The following ARHGEF4 variants were observed in gnomAD, a reference collection of about 807,000 sequenced individuals.
ARHGEF4 encodes the protein APC-stimulated guanine nucleotide exchange factor 1.
A neutral mutation model predicts 162.0 loss-of-function variants in ARHGEF4; 119 were observed. That is an observed-to-expected ratio of 0.73 (90% CI 0.63 to 0.86). The LOEUF (loss-of-function observed/expected upper bound fraction) is 0.86, where lower values mean the gene tolerates loss of function less well. Among genes scored for constraint, ARHGEF4 ranks in the 40% least tolerant of loss-of-function variants. The pLI, the probability that ARHGEF4 is intolerant of heterozygous loss-of-function variation, is 0.00. For missense variants in ARHGEF4, 2,488 were observed against 2,456.0 expected, an observed-to-expected ratio of 1.01 and a Z score of -0.28; for synonymous variants, 1,014 against 979.9, an observed-to-expected ratio of 1.03 and a Z score of -0.65.
Position 130,916,787 on chromosome 2 carries a change from G to A in ARHGEF4, c.2841G>A (p.Leu947=). The A allele has an allele frequency of 6.4e-7, 1 of 1,550,552 alleles. No individual in the cohort carries two copies. The part of the protein sequence containing the change: ...SPKGEKEKSR[L]RQGSWRAFLK... ...AGGGCGAGAAGGAGAAGAGCAGGCT[G>A]CGCCAGGGTTCCTGGCGGGCGTTTC... Residue 947 remains leucine, a synonymous_variant, in exon 2 of 14, where the codon CTG becomes CTA. Transcript: ENST00000409359.
intron 13 of ARHGEF4, 29 bp from the exon 14 acceptor site, chr2:131,046,009 A>G (rs367838917): frequency 1.9e-6 from 3 of 1,595,562 alleles, no homozygotes; most frequent in Non-Finnish European, 2.6e-6. Context: ...CTGGGCACCC[A>G]TGACCCTCTG....
At position 130,836,924 on chromosome 2, in the gene ARHGEF4, G is replaced by A; in HGVS notation, c.-30G>A. On this transcript the variant is annotated 5_prime_UTR_variant, in exon 1 of 14. Transcript: ENST00000409359. ...TCGGCGGCGCGGCTCGTAGTGCTGC[G>A]GCCGGGCTCCGGGCGTCCCGGCGGC... 2 of 1,222,436 alleles carry A rather than the reference G, an allele frequency of 1.6e-6. No individual in the cohort carries two copies. The highest frequency in any genetic ancestry group is 2.0e-6 in the Non-Finnish European group (2 of 981,966). 75.7% of individuals were successfully genotyped at this position (1,222,436 alleles called of 1,614,324 possible).
In ARHGEF4 at chr2:130,930,965, G is replaced by T. The variant is rs150071332; in HGVS notation, c.3566G>T (p.Trp1189Leu). Residue 1189 changes from tryptophan (W) to leucine (L), a missense_variant, in exon 3 of 14, where the codon TGG becomes TTG. Physicochemically the swap from Trp to Leu is moderately conservative, Grantham distance 61 (BLOSUM62 -2). Coordinates refer to ENST00000409359, the MANE Select transcript of ARHGEF4 (RefSeq NM_001367493.1). ...DLPGSENHMP[W>L]EEPAGEKPSC... ...TCTGCTCTCCAGAACCACATGCCCTGGGAAGAACCAGCAGGTGAGAAGCCC... is the reference window on the plus strand; with the variant it reads ...TCTGCTCTCCAGAACCACATGCCCTTGGAAGAACCAGCAGGTGAGAAGCCC... The T allele has an allele frequency of 3.5e-5, 56 of 1,607,816 alleles. No individual in the cohort carries two copies. The highest frequency in any genetic ancestry group is 4.7e-5 in the Non-Finnish European group (55 of 1,175,278).
At chr2:130,900,088 C>G (rs548436029) in intron 1 of ARHGEF4, among the ~76,000 whole-genome samples, 75 of 152,120 alleles carry the variant, frequency 4.9e-4, no homozygotes, top group African/African-American at 1.8e-3. Flanking sequence ...AGAGAACATA[C>G]TCTGTATGAT....
intron 1 of ARHGEF4, among the ~76,000 whole-genome samples, chr2:130,868,771 G>C (rs1331795063): frequency 6.6e-6 from 1 of 152,194 alleles, no homozygotes; most frequent in Non-Finnish European, 1.5e-5. Context: ...ACAGCTGAAG[G>C]ACCGAAGCCC....
intron 4 of ARHGEF4, among the ~76,000 whole-genome samples, chr2:130,956,439 A>T (rs1487850862): frequency 6.6e-6 from 1 of 152,006 alleles, no homozygotes; most frequent in Admixed American, 6.6e-5. Flanking sequence ...AGAACTAGAA[A>T]TACCATTTGA....
chr2:130,948,002 C>G (rs1411054269), intron 4 of ARHGEF4, among the ~76,000 whole-genome samples: 1 of 152,228 alleles, frequency 6.6e-6, no homozygotes, highest in Non-Finnish European at 1.5e-5. Flanking sequence ...CGTGCTTTGT[C>G]CAGGCTTGGG....
At chr2:131,003,187 G>T (rs1687893184) in intron 4 of ARHGEF4, among the ~76,000 whole-genome samples, 1 of 152,162 alleles carries the variant, frequency 6.6e-6, no homozygotes, top group Non-Finnish European at 1.5e-5. Context: ...CCATGACGAG[G>T]CCAGGGGAAT....
At chr2:131,018,441 TTTTG>T (rs1183704024) in intron 4 of ARHGEF4, among the ~76,000 whole-genome samples, 1 of 152,196 alleles carries the variant, frequency 6.6e-6, no homozygotes, top group African/African-American at 2.4e-5. Flanking sequence ...TTTTTGAGTT[TTTTG>T]TTTGTTTTGT....
chr2:130,949,210 T>G (rs917767262), intron 4 of ARHGEF4, among the ~76,000 whole-genome samples: 5 of 152,218 alleles, frequency 3.3e-5, no homozygotes, highest in Admixed American at 3.3e-4. Flanking sequence ...CTTTCCAATG[T>G]CCTTTTGAAG....
chr2:130,847,129 C>T (rs1377811324), intron 1 of ARHGEF4, among the ~76,000 whole-genome samples: 2 of 152,206 alleles, frequency 1.3e-5, no homozygotes, highest in Non-Finnish European at 2.9e-5. Flanking sequence ...AGGGCCTTTC[C>T]CAGCCTTGCC....
At chr2:131,042,122 T>C (rs937292619) in intron 10 of ARHGEF4, among the ~76,000 whole-genome samples, 178 bp downstream of exon 10, 1 of 152,264 alleles carries the variant, frequency 6.6e-6, no homozygotes, top group African/African-American at 2.4e-5. Flanking sequence ...CCTTTGCTGC[T>C]GCCTACCGTA....
At chr2:131,024,177 A>G (rs6706055) in intron 4 of ARHGEF4, among the ~76,000 whole-genome samples, 137,830 of 152,186 alleles carry the variant, frequency 0.91, 63,076 homozygotes, top group Non-Finnish European at 0.98. Context: ...CGGAAACTGG[A>G]TGGAGGGTGC....
At position 131,011,988 on chromosome 2, in the gene ARHGEF4, A is replaced by T; in HGVS notation, c.3986-15957A>T. 5.8e-6 allele frequency: 4 copies of T among 691,442 alleles called. 1 individual carries two copies. The South Asian group carries it at 6.0e-5, about 10-fold the overall frequency. 42.8% of individuals were successfully genotyped at this position (691,442 alleles called of 1,614,324 possible). A position where few individuals can be genotyped will look rare whatever the true frequency, so the allele number is the denominator to read the frequency against. On this transcript the variant is annotated intron_variant, in intron 4 of 13. Coordinates refer to ENST00000409359, the MANE Select transcript of ARHGEF4 (RefSeq NM_001367493.1). ...GGGCTAGCTGATGGACTTGATGATA[A>T]ATATGGATGTGAACTGAAAGAAAGA...
At chr2:130,867,325 G>A (rs1003178030) in intron 1 of ARHGEF4, among the ~76,000 whole-genome samples, 29 of 151,342 alleles carry the variant, frequency 1.9e-4, no homozygotes, top group African/African-American at 5.1e-4. Flanking sequence ...TGCAACCTCC[G>A]TCTCCCGGGT....
intron 1 of ARHGEF4, among the ~76,000 whole-genome samples, chr2:130,881,489 T>A (rs1679185206): frequency 6.6e-6 from 1 of 152,136 alleles, no homozygotes; most frequent in Admixed American, 6.5e-5. Flanking sequence ...AGTACATAGC[T>A]GTAGTAAGAG....
chr2:131,045,793 C>T, intron 13 of ARHGEF4: 1 of 1,427,780 alleles, frequency 7.0e-7, no homozygotes, highest in Non-Finnish European at 9.1e-7. Context: ...TGAAACATCA[C>T]ATGCCTTTGC....
intron 1 of ARHGEF4, among the ~76,000 whole-genome samples, chr2:130,894,263 C>T (rs1680025577): frequency 6.6e-6 from 1 of 152,194 alleles, no homozygotes. Context: ...CACCCATGTT[C>T]ATGGGCCTCA....
At chr2:130,942,508 A>T (rs1219693138) in intron 3 of ARHGEF4, among the ~76,000 whole-genome samples, 2 of 152,182 alleles carry the variant, frequency 1.3e-5, no homozygotes, top group African/African-American at 4.8e-5. Context: ...ATTTTTGTGT[A>T]AACACAAAAA....
Sources: allele counts gnomAD v4.1 joint callset (sites outside exome capture counted in the v4.1 genomes callset), GRCh38; gene constraint gnomAD v4.1.1; transcripts MANE v1.5; gene names NCBI Gene and HGNC (gene_info 2026-07-23, HGNC 2026-07-21).